Variants in FBXO25 observed in about 807,000 individuals in gnomAD.
The protein encoded by FBXO25 is F-box protein 25.
A neutral mutation model predicts 51.9 loss-of-function variants in FBXO25; 45 were observed. The observed-to-expected ratio is 0.87, with a 90% CI of 0.68 to 1.11. The LOEUF is 1.11. Among genes scored for constraint, FBXO25 ranks in the 50% most tolerant of loss-of-function variants. The pLI is 0.00. For missense variants in FBXO25, 507 were observed against 428.5 expected (o/e 1.18, Z -1.62); for synonymous variants, 199 against 151.0 (o/e 1.32, Z -2.33).
At chr8:456,134 C>G (rs1006402311) in intron 7 of FBXO25, among the ~76,000 whole-genome samples, 3 of 152,230 alleles carry the variant, frequency 2.0e-5, no homozygotes, top group Non-Finnish European at 4.4e-5. Context: ...AATGAAGCAC[C>G]TGGAAGACAT....
intron 5 of FBXO25, among the ~76,000 whole-genome samples, chr8:438,676 C>T (rs1286779781): frequency 3.3e-5 from 5 of 152,216 alleles, no homozygotes; most frequent in Non-Finnish European, 4.4e-5. Context: ...GTGCTGGCAT[C>T]GCTGAGCACC....
At chr8:420,883 A>G (rs1797111456) in intron 2 of FBXO25, among the ~76,000 whole-genome samples, 1 of 152,262 alleles carries the variant, frequency 6.6e-6, no homozygotes, top group Non-Finnish European at 1.5e-5. Context: ...GGAACTGTGC[A>G]CCACAGAATT....
rs779517938 is a variant in FBXO25, at chr8:473,089, CAT to C, written c.*4288_*4289del. 6.6e-6 allele frequency: 1 copy of C among 152,480 alleles called. No individual in the cohort carries two copies. The highest frequency in any genetic ancestry group is 6.5e-5 in the Admixed American group (1 of 15,294). The allele number at this position is 152,480 out of a possible 1,614,324, so 9.4% of individuals were successfully genotyped here. ...CTGACACCAGCATCCACCCTGCACT[CAT>C]ATGTATCTCAACAGAATTGCTGCTT... On this transcript the variant is annotated 3_prime_UTR_variant, in exon 10 of 10. Transcript: ENST00000350302.
intron 5 of FBXO25, among the ~76,000 whole-genome samples, chr8:436,103 G>A (rs1191789883): frequency 1.3e-5 from 2 of 152,250 alleles, no homozygotes; most frequent in Non-Finnish European, 2.9e-5. Flanking sequence ...TGAGGCTTGT[G>A]TCGCAGAGGA....
rs1799598073 is a variant in FBXO25 at position 458,474 on chromosome 8, A to AC, written c.771dup (p.Thr258HisfsTer6). On this transcript the variant is annotated frameshift_variant, in exon 8 of 10. Transcript: ENST00000350302. LOFTEE classifies it high-confidence loss of function. ...GGACATCATCACCTTAGGCCAGGTG[A>AC]CCCCCACGTTGTATATGCTTAGTGA... 3 of 1,613,882 alleles carry AC rather than the reference A, an allele frequency of 1.9e-6. No individual in the cohort carries two copies. Among genetic ancestry groups the AC allele is most frequent in the Non-Finnish European group, 2.5e-6 (3 of 1,179,974 alleles).
chr8:453,963 A>G (rs1799258524), intron 7 of FBXO25, among the ~76,000 whole-genome samples: 1 of 152,082 alleles, frequency 6.6e-6, no homozygotes, highest in Non-Finnish European at 1.5e-5. Flanking sequence ...GTCTTTACTA[A>G]AAATACAAAA....
chr8:461,554 C>T (rs1799813678), intron 8 of FBXO25, among the ~76,000 whole-genome samples: 1 of 152,292 alleles, frequency 6.6e-6, no homozygotes. Context: ...CCACCGGGTC[C>T]CTCCCACGGC....
intron 5 of FBXO25, among the ~76,000 whole-genome samples, chr8:443,072 C>G (rs1423244365): frequency 6.6e-6 from 1 of 151,754 alleles, no homozygotes; most frequent in African/African-American, 2.4e-5. Context: ...GAAGGAAGTG[C>G]TCCTCAGCTC....
intron 2 of FBXO25, among the ~76,000 whole-genome samples, chr8:413,428 A>C (rs1339307382): frequency 1.3e-5 from 2 of 151,998 alleles, no homozygotes; most frequent in Admixed American, 6.6e-5. Context: ...AATTTAAAAC[A>C]TTTAATCCTC....
chr8:435,425 T>C (rs1269100517), intron 4 of FBXO25, 190 bp from the exon 5 acceptor site: 2 of 660,636 alleles, frequency 3.0e-6, no homozygotes, highest in Admixed American at 6.9e-5. Flanking sequence ...GTCTCAGGTA[T>C]ACATAAACAG....
chr8:418,511 TG>T (rs1266188643), intron 2 of FBXO25, among the ~76,000 whole-genome samples: 2 of 151,900 alleles, frequency 1.3e-5, no homozygotes, highest in Non-Finnish European at 2.9e-5. Context: ...GGCTAATTTT[TG>T]TATTTTTAGT....
intron 6 of FBXO25, 85 bp downstream of exon 6, chr8:450,168 C>T: frequency 3.3e-6 from 3 of 921,998 alleles, no homozygotes; most frequent in African/African-American, 1.7e-5. Flanking sequence ...TTATCTTTAC[C>T]CAGTACACAT....
chr8:455,934 A>G (rs1408041072), intron 7 of FBXO25, among the ~76,000 whole-genome samples: 5 of 152,222 alleles, frequency 3.3e-5, no homozygotes, highest in African/African-American at 1.2e-4. Flanking sequence ...GGGATGTAAA[A>G]CTGGACTCTG....
chr8:422,728 G>C (rs1797230140), intron 2 of FBXO25, among the ~76,000 whole-genome samples: 3 of 152,144 alleles, frequency 2.0e-5, no homozygotes, highest in Non-Finnish European at 4.4e-5. Context: ...CACGTAGTCT[G>C]ACTGTGCTGT....
chr8:437,962 C>G (rs1413073324), intron 5 of FBXO25, among the ~76,000 whole-genome samples: 1 of 151,966 alleles, frequency 6.6e-6, no homozygotes, highest in African/African-American at 2.4e-5. Flanking sequence ...AATGTAGAAG[C>G]ATTTTTTTAA....
chr8:421,978 A>G (rs1398213292), intron 2 of FBXO25, among the ~76,000 whole-genome samples: 1 of 152,246 alleles, frequency 6.6e-6, no homozygotes, highest in Non-Finnish European at 1.5e-5. Flanking sequence ...TGAATGTATA[A>G]GTGAGGGATA....
chr8:458,284 A>T, intron 7 of FBXO25, 85 bp from the exon 8 acceptor site: 1 of 1,454,748 alleles, frequency 6.9e-7, no homozygotes, highest in Non-Finnish European at 9.4e-7. Context: ...GTTTTGAAGC[A>T]TTCATTCCAG....
intron 3 of FBXO25, among the ~76,000 whole-genome samples, chr8:432,480 C>T (rs1370284700): frequency 6.6e-6 from 1 of 152,186 alleles, no homozygotes; most frequent in African/African-American, 2.4e-5. Context: ...ATGGAGAATA[C>T]AGTTAGTGTG....
At chr8:467,917 G>T (rs1735535508) in intron 9 of FBXO25, 1 of 1,470,032 alleles carries the variant, frequency 6.8e-7, no homozygotes, top group Non-Finnish European at 9.0e-7. Flanking sequence ...AAACACCTCA[G>T]CAAGGACGAG....
Sources: allele counts gnomAD v4.1 joint callset (sites outside exome capture counted in the v4.1 genomes callset), GRCh38; gene constraint gnomAD v4.1.1; transcripts MANE v1.5; gene names NCBI Gene and HGNC (gene_info 2026-07-23, HGNC 2026-07-21).